Variants in GLT1D1 observed in about 807,000 individuals in gnomAD.
The protein encoded by GLT1D1 is glycosyltransferase 1 domain-containing protein 1.
Under a neutral mutation model 28.7 loss-of-function variants are expected in GLT1D1, and 21 were observed. The observed-to-expected ratio is 0.73, with a 90% confidence interval of 0.52 to 1.05. The LOEUF (loss-of-function observed/expected upper bound fraction) is 1.05, where lower values mean the gene tolerates loss of function less well. Ranked by LOEUF, GLT1D1 falls within the 50% of genes least tolerant of loss-of-function variation. The pLI is 0.00. For synonymous variants in GLT1D1, 147 were observed against 124.8 expected, an observed-to-expected ratio of 1.18 and a Z score of -1.19; for missense variants, 343 against 330.6, an observed-to-expected ratio of 1.04 and a Z score of -0.29.
intron 2 of GLT1D1, among the ~76,000 whole-genome samples, chr12:128,886,510 C>T (rs1055650541): frequency 1.3e-5 from 2 of 152,166 alleles, no homozygotes; most frequent in African/African-American, 2.4e-5. Flanking sequence ...CAGGTGTCAG[C>T]AGCTGCGCTT....
At chr12:128,926,366 C>T in intron 4 of GLT1D1, 1 of 1,512,758 alleles carries the variant, frequency 6.6e-7, no homozygotes, top group Non-Finnish European at 8.9e-7. Context: ...CAGAGATTAA[C>T]CAAAGTGCTG....
intron 6 of GLT1D1, among the ~76,000 whole-genome samples, chr12:128,950,017 A>G (rs1268850459): frequency 6.6e-6 from 1 of 151,514 alleles, no homozygotes; most frequent in Non-Finnish European, 1.5e-5. Context: ...GGCAGCTGCG[A>G]CTCTGTGTCA....
intron 6 of GLT1D1, among the ~76,000 whole-genome samples, chr12:128,952,469 CTTTT>C (rs1555218596): frequency 1.7e-5 from 2 of 120,672 alleles, no homozygotes; most frequent in Non-Finnish European, 1.7e-5. Flanking sequence ...AAATTTCTTT[CTTTT>C]TTTTTTTTTT....
chr12:128,940,064 A>G (rs1450076112), intron 4 of GLT1D1, among the ~76,000 whole-genome samples: 3 of 151,344 alleles, frequency 2.0e-5, no homozygotes, highest in African/African-American at 7.3e-5. Flanking sequence ...CTCTCAATAG[A>G]TGTATTTTGT....
At chr12:128,924,385 C>T (rs990983062) in intron 4 of GLT1D1, among the ~76,000 whole-genome samples, 6 of 150,150 alleles carry the variant, frequency 4.0e-5, no homozygotes, top group Non-Finnish European at 5.9e-5. Context: ...CGAGATCGTG[C>T]TGCTGCACTC....
At chr12:128,897,483 T>C (rs544199919) in intron 3 of GLT1D1, among the ~76,000 whole-genome samples, 2 of 152,316 alleles carry the variant, frequency 1.3e-5, no homozygotes, top group South Asian at 4.1e-4. Context: ...TAGCTTTTTA[T>C]GCTCAGAAAA....
At chr12:128,944,993 G>A (rs1449309648) in intron 4 of GLT1D1, 1 of 578,698 alleles carries the variant, frequency 1.7e-6, no homozygotes, top group South Asian at 2.1e-5. Context: ...TCCCCTCCCT[G>A]TGTCCATGTG....
At chr12:128,967,979 A>C (rs1186732962) in intron 7 of GLT1D1, among the ~76,000 whole-genome samples, 1 of 152,098 alleles carries the variant, frequency 6.6e-6, no homozygotes, top group Non-Finnish European at 1.5e-5. Flanking sequence ...GGTTAATGCA[A>C]AACTTATGTG....
chr12:128,934,630 C>T (rs895326683), intron 4 of GLT1D1, among the ~76,000 whole-genome samples: 5 of 152,212 alleles, frequency 3.3e-5, no homozygotes, highest in African/African-American at 9.6e-5. Flanking sequence ...AGCCTCCACC[C>T]CAGGCATCAG....
chr12:128,928,871 C>T (rs1447866885), intron 4 of GLT1D1, among the ~76,000 whole-genome samples: 1 of 152,138 alleles, frequency 6.6e-6, no homozygotes, highest in Non-Finnish European at 1.5e-5. Context: ...ATCCACCTGC[C>T]TCGACCTCAC....
chr12:128,881,571 T>TATAA (rs1566099427), intron 2 of GLT1D1, among the ~76,000 whole-genome samples: 4 of 90,332 alleles, frequency 4.4e-5, no homozygotes, highest in Non-Finnish European at 7.9e-5. Context: ...AATATATATA[T>TATAA]ATATATATAT....
chr12:128,932,834 C>T (rs780271136), intron 4 of GLT1D1, among the ~76,000 whole-genome samples: 6 of 152,122 alleles, frequency 3.9e-5, no homozygotes, highest in African/African-American at 7.2e-5. Flanking sequence ...ATCCCTGCCT[C>T]GTCGAAGGTC....
In GLT1D1 at chr12:128,904,623, CTT is replaced by C. The variant is rs59189244; in HGVS notation, c.375+5363_375+5364del. Among the ~76,000 whole-genome samples, 89 of 139,292 alleles carry C rather than the reference CTT, an allele frequency of 6.4e-4. 2 individuals carry two copies. Among genetic ancestry groups the C allele is most frequent in the African/African-American group, 2.4e-3 (80 of 32,774 alleles). The allele number at this position is 139,292 out of a possible 152,430, so 91.4% of individuals were successfully genotyped here. A position where few individuals can be genotyped will look rare whatever the true frequency, so the allele number is the denominator to read the frequency against. ...GTGATGGTTAAAGCATGAAAACAGT[CTT>C]TTTTTTTTTTTTTTTTTTTTTTTTT... is the stretch of plus-strand genomic sequence containing the variant. On this transcript the variant is annotated intron_variant, in intron 4 of 7. Coordinates refer to ENST00000281703, the MANE Select transcript of GLT1D1 (RefSeq NM_144669.3).
At chr12:128,864,326 G>C (rs981834259) in intron 1 of GLT1D1, 6 of 418,692 alleles carry the variant, frequency 1.4e-5, no homozygotes, top group Non-Finnish European at 2.6e-5. Context: ...GATCAGAAAG[G>C]AGACAGGCTG....
rs762962969 is a variant in GLT1D1 at position 128,890,219 on chromosome 12, GC to G, written c.323+1478del. Among the ~76,000 whole-genome samples the G allele has an allele frequency of 9.1e-4, 139 of 152,240 alleles. 1 individual carries two copies. Among genetic ancestry groups the G allele is most frequent in the Non-Finnish European group, 1.7e-3 (113 of 68,016 alleles). On this transcript the variant is annotated intron_variant, in intron 3 of 7. Transcript: ENST00000281703. The stretch of plus-strand genomic sequence containing the variant: ...TTGTTTCCTGTGTCTGCTTTCTTCA[GC>G]CCTTGTCTGTCTGTAAAACACGCCT...
chr12:128,925,614 A>G lies in GLT1D1; in HGVS notation c.376-19712A>G, dbSNP rs543594820. On this transcript the variant is annotated intron_variant, in intron 4 of 7. Transcript: ENST00000281703. ...TGGGCGTTTGGGTTGATTCCAGGAC[A>G]TGCATTCATTTAGGTGTGTGGATCT... 2.0e-5 allele frequency among the ~76,000 whole-genome samples: 3 copies of G among 152,292 alleles called. No individual in the cohort carries two copies. In the East Asian group the frequency reaches 5.8e-4, roughly 29 times the overall value.
chr12:128,899,609 G>A (rs1870022759), intron 4 of GLT1D1, among the ~76,000 whole-genome samples: 1 of 147,472 alleles, frequency 6.8e-6, no homozygotes, highest in Admixed American at 6.8e-5. Flanking sequence ...GAGTGCAATG[G>A]CGTGATCTCA....
At position 128,884,210 on chromosome 12, in the gene GLT1D1, A is replaced by G. The variant is rs189176470; in HGVS notation, c.218-4429A>G. On this transcript the variant is annotated intron_variant, in intron 2 of 7. Coordinates refer to ENST00000281703, the MANE Select transcript of GLT1D1 (RefSeq NM_144669.3). ...GATACAGAAAATGGGGTATATATATATGTAATGGAAAACGAAGGATATTCT... is the reference window on the plus strand; with the variant it reads ...GATACAGAAAATGGGGTATATATATGTGTAATGGAAAACGAAGGATATTCT... 9.2e-5 allele frequency among the ~76,000 whole-genome samples: 14 copies of G among 152,302 alleles called. No homozygotes were observed. In the East Asian group the frequency reaches 2.5e-3, roughly 27 times the overall value.
At chr12:128,912,186 T>C (rs142380093) in intron 4 of GLT1D1, among the ~76,000 whole-genome samples, 31 of 152,172 alleles carry the variant, frequency 2.0e-4, no homozygotes, top group African/African-American at 7.5e-4. Context: ...AAGAGACTTT[T>C]TGTGTGTGTG....
Sources: gnomAD v4.1 joint callset for allele counts (sites outside exome capture counted in the v4.1 genomes callset) on GRCh38, gnomAD v4.1.1 for gene constraint, MANE v1.5 for transcripts, NCBI Gene and HGNC (gene_info 2026-07-23, HGNC 2026-07-21) for gene names.